NOSIP: variants seen among roughly 807,000 people sequenced by gnomAD.
NOSIP encodes the protein nitric oxide synthase interacting protein, also known as nitric oxide synthase-interacting protein.
Under a neutral mutation model 36.4 loss-of-function variants are expected in NOSIP, and 25 were observed. The ratio of observed to expected loss-of-function variants is 0.69; its 90% CI spans 0.50 to 0.96. NOSIP has a LOEUF of 0.96. NOSIP is among the 40% of genes least tolerant of loss of function. The pLI is 0.00. For missense variants in NOSIP, 370 were observed against 429.0 expected, an observed-to-expected ratio of 0.86 and a Z score of 1.21; for synonymous variants, 187 against 179.2, an observed-to-expected ratio of 1.04 and a Z score of -0.35.
intron 6 of NOSIP, 54 bp downstream of exon 6, chr19:49,556,821 T>C: frequency 6.3e-7 from 1 of 1,595,762 alleles, no homozygotes; most frequent in Non-Finnish European, 8.6e-7. Flanking sequence ...AGGAGGACGG[T>C]GGGGAACCCT....
rs1258171726 is a variant in NOSIP at position 49,572,254 on chromosome 19, C to T, written c.-2+8261G>A. Among the ~76,000 whole-genome samples the T allele has an allele frequency of 4.0e-5, 6 of 148,216 alleles. No homozygotes were observed. In the East Asian group the frequency reaches 6.3e-4, roughly 16 times the overall value. ...CCAGGTAGCTGGGATTACAGGCACC[C>T]GCCACCATGCCTGGCTAATTTTTTG... On this transcript the variant is annotated intron_variant, in intron 1 of 8. Coordinates refer to ENST00000596358, the MANE Select transcript of NOSIP (RefSeq NM_001270960.2).
At chr19:49,563,749 C>T (rs1165198310) in intron 1 of NOSIP, among the ~76,000 whole-genome samples, 3 of 152,226 alleles carry the variant, frequency 2.0e-5, no homozygotes, top group East Asian at 1.9e-4. Context: ...CCCGCCTCGG[C>T]CTCCCAAAGT....
At chr19:49,566,041 A>G (rs1397570295) in intron 1 of NOSIP, among the ~76,000 whole-genome samples, 5 of 143,422 alleles carry the variant, frequency 3.5e-5, no homozygotes, top group Non-Finnish European at 6.1e-5. Flanking sequence ...TTTTTTTTTG[A>G]GACAGTCTCG....
intron 1 of NOSIP, among the ~76,000 whole-genome samples, chr19:49,576,312 C>G (rs2080552659): frequency 6.6e-6 from 1 of 151,588 alleles, no homozygotes; most frequent in African/African-American, 2.4e-5. Flanking sequence ...GAGCAACATG[C>G]CAAAACCCTG....
chr19:49,566,794 C>CATATATATATATATAT lies in NOSIP; in HGVS notation c.-1-6103_-1-6102insATATATATATATATAT, dbSNP rs147738108. ...TTAAAAATATAAATACATATACATA[C>CATATATATATATATAT]ATATATATATATACACACATACTAT... On this transcript the variant is annotated intron_variant, in intron 1 of 8. Transcript: ENST00000596358. The CATATATATATATATAT allele has an allele frequency of 4.0e-3, 575 of 142,920 alleles. 7 individuals carry two copies. Among genetic ancestry groups the CATATATATATATATAT allele is most frequent in the African/African-American group, 0.014 (511 of 37,030 alleles). The allele number at this position is 142,920 out of a possible 1,614,324, so 8.9% of individuals were successfully genotyped here.
intron 1 of NOSIP, among the ~76,000 whole-genome samples, chr19:49,566,256 G>A (rs1202208089): frequency 3.3e-5 from 5 of 152,056 alleles, no homozygotes; most frequent in Non-Finnish European, 2.9e-5. Flanking sequence ...TCCTGACCTC[G>A]TGATCCGCCC....
At chr19:49,559,024 G>A (rs767268699) in intron 3 of NOSIP, 46 bp from the exon 4 acceptor site, 36 of 1,493,358 alleles carry the variant, frequency 2.4e-5, no homozygotes, top group South Asian at 4.5e-5. Context: ...TGATCCTCCC[G>A]CCTCGGCCTC....
At position 49,560,053 on chromosome 19, in the gene NOSIP, T is replaced by C. The variant is rs1472418188; in HGVS notation, c.71-14A>G. The C allele has an allele frequency of 1.3e-6, 2 of 1,581,816 alleles. No homozygotes were observed. Among genetic ancestry groups the C allele is most frequent in the Non-Finnish European group, 1.7e-6 (2 of 1,152,928 alleles). Reference sequence around the variant, plus strand: ...AGCCCGAGGCCGCTGGGGACAGAGATGGGCAGAGTGATGGAGGGGCGGAGC... The same window carrying C: ...AGCCCGAGGCCGCTGGGGACAGAGACGGGCAGAGTGATGGAGGGGCGGAGC... On this transcript the variant is annotated splice_polypyrimidine_tract_variant and intron_variant, in intron 2 of 8. Transcript: ENST00000596358. The surrounding 1 kb of genome is among the most constrained non-coding windows in gnomAD (Gnocchi z 4.6).
intron 8 of NOSIP, 40 bp downstream of exon 8, chr19:49,556,277 C>A: frequency 7.6e-7 from 1 of 1,311,644 alleles, no homozygotes; most frequent in Non-Finnish European, 1.0e-6. Flanking sequence ...AGGGGCGGGG[C>A]CTTGGAGTGC....
At chr19:49,558,129 C>A in intron 4 of NOSIP, 1 of 159,910 alleles carries the variant, frequency 6.3e-6, no homozygotes, top group East Asian at 1.7e-4. Context: ...GAATGCTCAT[C>A]TGCGTGTACC....
At chr19:49,558,607 CG>C (rs1307216062) in intron 4 of NOSIP, 1 of 363,774 alleles carries the variant, frequency 2.7e-6, no homozygotes, top group African/African-American at 2.0e-5. Flanking sequence ...TGGGAAAACT[CG>C]AAGTCCATAA....
At chr19:49,574,238 C>T (rs935064884) in intron 1 of NOSIP, among the ~76,000 whole-genome samples, 6 of 152,128 alleles carry the variant, frequency 3.9e-5, no homozygotes, top group Non-Finnish European at 5.9e-5. Flanking sequence ...GACAAACCAG[C>T]CTCAGGGGGG....
intron 1 of NOSIP, among the ~76,000 whole-genome samples, chr19:49,569,423 C>T (rs1219276486): frequency 4.8e-5 from 7 of 147,230 alleles, no homozygotes; most frequent in Non-Finnish European, 9.0e-5. Context: ...TGGTCTTGAT[C>T]TCCTGACCTC....
intron 1 of NOSIP, among the ~76,000 whole-genome samples, chr19:49,573,575 G>A (rs564936577): frequency 6.6e-6 from 1 of 152,192 alleles, no homozygotes; most frequent in South Asian, 2.1e-4. Flanking sequence ...GGGGAGGTGG[G>A]TTAGCAATGA....
rs916129356 is a variant in NOSIP, at chr19:49,557,623, T to C, written c.259-374A>G. 9 of 1,099,972 alleles carry C rather than the reference T, an allele frequency of 8.2e-6. No homozygotes were observed. The African/African-American group carries it at 1.1e-4, about 14-fold the overall frequency. The allele number at this position is 1,099,972 out of a possible 1,614,324, so 68.1% of individuals were successfully genotyped here. ...GGCACTCAGCTAAGCATTTAATTAA[T>C]GTCACCTGCTGGCCAATTAAGTTTT... On this transcript the variant is annotated intron_variant, in intron 4 of 8. Coordinates refer to ENST00000596358, the MANE Select transcript of NOSIP (RefSeq NM_001270960.2).
chr19:49,572,246 C>T (rs1476982171), intron 1 of NOSIP, among the ~76,000 whole-genome samples: 1 of 150,994 alleles, frequency 6.6e-6, no homozygotes, highest in Non-Finnish European at 1.5e-5. Flanking sequence ...GCTGGGATTA[C>T]AGGCACCCGC....
chr19:49,567,936 T>C lies in NOSIP; in HGVS notation c.-1-7244A>G, dbSNP rs111967252. Among the ~76,000 whole-genome samples the C allele has an allele frequency of 6.5e-3, 985 of 151,538 alleles. 11 individuals carry two copies. The highest frequency in any genetic ancestry group is 0.023 in the African/African-American group (940 of 41,310). On this transcript the variant is annotated intron_variant, in intron 1 of 8. Coordinates refer to ENST00000596358, the MANE Select transcript of NOSIP (RefSeq NM_001270960.2). ...CAGGTAATCTGGCCACCTTGGCTTC[T>C]CAAAGTGCTGGGATTACAGGCATGA...
Position 49,555,833 on chromosome 19 carries a change from T to TA in NOSIP, c.835-12dup. 1 of 1,609,408 alleles carries TA rather than the reference T, an allele frequency of 6.2e-7. No homozygotes were observed. Among genetic ancestry groups the TA allele is most frequent in the Non-Finnish European group, 8.5e-7 (1 of 1,177,370 alleles). ...GAAGCCGGTACCGCCCTGGGGGAGG[T>TA]AGAGAGAAGGACGAGGTAGAGGCCG... On this transcript the variant is annotated splice_polypyrimidine_tract_variant and intron_variant, in intron 8 of 8. Transcript: ENST00000596358.
At chr19:49,569,150 G>C (rs2080451359) in intron 1 of NOSIP, among the ~76,000 whole-genome samples, 1 of 149,864 alleles carries the variant, frequency 6.7e-6, no homozygotes, top group Non-Finnish European at 1.5e-5. Context: ...AGTAAAACAA[G>C]AGCTCAATAC....
Sources: allele counts gnomAD v4.1 joint callset (sites outside exome capture counted in the v4.1 genomes callset), GRCh38; gene constraint gnomAD v4.1.1; non-coding constraint Gnocchi (gnomAD v3.1); transcripts MANE v1.5; gene names NCBI Gene and HGNC (gene_info 2026-07-23, HGNC 2026-07-21).